Variants in CNBD2 observed in about 807,000 individuals in gnomAD.
The protein encoded by CNBD2 is cyclic nucleotide-binding domain-containing protein 2.
A neutral mutation model predicts 63.7 loss-of-function variants in CNBD2; 64 were observed. The ratio of observed to expected loss-of-function variants is 1.00; its 90% CI spans 0.82 to 1.24. The LOEUF is 1.24. CNBD2 is among the 50% of genes most tolerant of loss of function. The pLI is 0.00. For synonymous variants in CNBD2, 229 were observed against 255.4 expected, an observed-to-expected ratio of 0.90 and a Z score of 0.99; for missense variants, 691 against 713.5, an observed-to-expected ratio of 0.97 and a Z score of 0.36.
chr20:35,967,115 C>T (rs533537081), upstream of CNBD2, among the ~76,000 whole-genome samples: 3 of 152,282 alleles, frequency 2.0e-5, no homozygotes, highest in South Asian at 6.2e-4. Flanking sequence ...CACTTTACAA[C>T]CTAGTTCTGC....
chr20:35,969,526 CAT>C lies in CNBD2; in HGVS notation c.51+714_51+715del, dbSNP rs199698659. On this transcript the variant is annotated intron_variant, in intron 1 of 11. Coordinates refer to ENST00000373973, the MANE Select transcript of CNBD2 (RefSeq NM_001365709.1). Reference sequence around the variant, plus strand: ...CTGTTTATATTTTTATATATTATCACATGTGTATGTATCCATAAACAATATAT... The same window carrying C: ...CTGTTTATATTTTTATATATTATCACGTGTATGTATCCATAAACAATATAT... Among the ~76,000 whole-genome samples, 897 of 152,234 alleles carry C rather than the reference CAT, an allele frequency of 5.9e-3. 12 individuals are homozygous for C. The highest frequency in any genetic ancestry group is 0.02 in the African/African-American group (846 of 41,524).
chr20:35,995,501 A>G (rs2056813383), intron 8 of CNBD2, among the ~76,000 whole-genome samples: 1 of 152,112 alleles, frequency 6.6e-6, no homozygotes. Flanking sequence ...GACTTTTCAT[A>G]TAAATAGCAT....
intron 10 of CNBD2, among the ~76,000 whole-genome samples, chr20:36,012,231 C>T (rs184830823): frequency 1.1e-3 from 171 of 151,702 alleles, no homozygotes; most frequent in Non-Finnish European, 2.0e-3. Context: ...ACCTGGGAGG[C>T]GGAGGTTGCA....
chr20:35,983,820 G>C (rs1169039615), intron 4 of CNBD2, among the ~76,000 whole-genome samples, 162 bp from the exon 5 acceptor site: 3 of 152,194 alleles, frequency 2.0e-5, no homozygotes, highest in African/African-American at 4.8e-5. Context: ...TTAGTGAAAG[G>C]CTCCAGCTTG....
intron 8 of CNBD2, among the ~76,000 whole-genome samples, chr20:35,995,940 G>T (rs546696016): frequency 6.6e-6 from 1 of 152,286 alleles, no homozygotes; most frequent in African/African-American, 2.4e-5. Context: ...GCTGCATCTG[G>T]TGAAGGACTT....
At chr20:36,016,561 A>C (rs1410130690) in intron 10 of CNBD2, among the ~76,000 whole-genome samples, 1 of 152,100 alleles carries the variant, frequency 6.6e-6, no homozygotes, top group Non-Finnish European at 1.5e-5. Flanking sequence ...AGGCTGAGGC[A>C]GGTGGATCAC....
At chr20:36,025,058 A>G (rs190572799) in intron 11 of CNBD2, among the ~76,000 whole-genome samples, 35 of 152,346 alleles carry the variant, frequency 2.3e-4, no homozygotes, top group Middle Eastern at 3.4e-3. Context: ...AAATTGTGGT[A>G]TATTCTCTTG....
intron 7 of CNBD2, among the ~76,000 whole-genome samples, chr20:35,990,005 C>T (rs1256713991): frequency 6.6e-6 from 1 of 152,056 alleles, no homozygotes; most frequent in African/African-American, 2.4e-5. Flanking sequence ...GAAAACTCAT[C>T]ATTTCCTACT....
chr20:35,994,464 T>G (rs543624471), intron 7 of CNBD2, among the ~76,000 whole-genome samples: 3 of 151,210 alleles, frequency 2.0e-5, no homozygotes, highest in Non-Finnish European at 4.4e-5. Context: ...CACATCAGCC[T>G]CCCAAAGTGC....
chr20:36,005,153 A>AT (rs2056967109), intron 8 of CNBD2, among the ~76,000 whole-genome samples: 1 of 152,204 alleles, frequency 6.6e-6, no homozygotes, highest in Admixed American at 6.5e-5. Context: ...AATTCTGAGA[A>AT]TTACTGGATC....
chr20:36,020,950 C>T (rs1262499431), intron 10 of CNBD2, among the ~76,000 whole-genome samples: 2 of 152,150 alleles, frequency 1.3e-5, no homozygotes, highest in African/African-American at 2.4e-5. Context: ...AAAATTTGTA[C>T]GTGGTCATAT....
chr20:35,987,416 A>G lies in CNBD2; in HGVS notation c.738A>G (p.Ser246=), dbSNP rs1240411321. 1 of 1,614,218 alleles carries G rather than the reference A, an allele frequency of 6.2e-7. No individual in the cohort carries two copies. The highest frequency in any genetic ancestry group is 1.7e-5 in the Admixed American group (1 of 60,028). ...EFFRKMELFA[S]WSDEKLWQLV... is the part of the protein sequence containing the mutation. ...ACAGGAAGATGGAGCTGTTTGCATC[A>G]TGGTCTGATGAGAAGCTCTGGCAGC... Residue 246 remains serine (S), a synonymous_variant, in exon 7 of 12, where the codon TCA becomes TCG. Coordinates refer to ENST00000373973, the MANE Select transcript of CNBD2 (RefSeq NM_001365709.1).
At chr20:35,961,882 C>T (rs1317738919) in intron 2 of CNBD2, among the ~76,000 whole-genome samples, 4 of 152,150 alleles carry the variant, frequency 2.6e-5, no homozygotes, top group African/African-American at 9.7e-5. Context: ...GTGTGTTTCC[C>T]TGGTCACCCC....
intron 8 of CNBD2, among the ~76,000 whole-genome samples, chr20:35,997,532 T>C (rs987311195): frequency 2.0e-5 from 3 of 152,202 alleles, no homozygotes; most frequent in African/African-American, 7.2e-5. Flanking sequence ...TCTGTTTGAA[T>C]ACAGGGTCCT....
At chr20:36,029,513 C>T (rs915569799) in intron 11 of CNBD2, among the ~76,000 whole-genome samples, 1 of 152,132 alleles carries the variant, frequency 6.6e-6, no homozygotes, top group African/African-American at 2.4e-5. Flanking sequence ...CCCACCATGG[C>T]CAGTTTCAAA....
chr20:35,970,015 G>A (rs2056390518), intron 1 of CNBD2, among the ~76,000 whole-genome samples: 1 of 152,290 alleles, frequency 6.6e-6, no homozygotes, highest in South Asian at 2.1e-4. Context: ...TTTGGCTGGG[G>A]CATGAAGGCT....
At chr20:36,008,529 T>A in intron 9 of CNBD2, 55 bp downstream of exon 9, 1 of 1,510,698 alleles carries the variant, frequency 6.6e-7, no homozygotes, top group South Asian at 1.2e-5. Flanking sequence ...CAAAGGGAGA[T>A]AATACTTATA....
rs369311733 is a variant in CNBD2, at chr20:36,008,308, A to C, written c.982A>C (p.Met328Leu). ...LKTHLSEYSP[M>L]ERFKEFQIKS... ...GCTTTCTCTAACAGAATACTCTCCT[A>C]TGGAAAGATTTAAGGAATTCCAGAT... The change falls in exon 9 of 12, where the codon ATG becomes CTG. Residue 328 changes from methionine (M) to leucine (L), a missense_variant. By Grantham distance (15) the Met-to-Leu change is conservative (BLOSUM62 2). Coordinates refer to ENST00000373973, the MANE Select transcript of CNBD2 (RefSeq NM_001365709.1). 2.3e-4 allele frequency: 367 copies of C among 1,610,544 alleles called. No homozygotes were observed. The highest frequency in any genetic ancestry group is 2.9e-4 in the Non-Finnish European group (341 of 1,178,814).
rs570577961 is a variant in CNBD2 at position 36,008,338 on chromosome 20, T to A, written c.1012T>A (p.Ser338Thr). Residue 338 changes from serine (S) to threonine (T), a missense_variant, in exon 9 of 12, where the codon TCA becomes ACA. By Grantham distance (58) the Ser-to-Thr change is moderately conservative. Coordinates refer to ENST00000373973, the MANE Select transcript of CNBD2 (RefSeq NM_001365709.1). The part of the protein sequence containing the change: ...MERFKEFQIK[S>T]YPLQDFSSLK... The stretch of plus-strand genomic sequence containing the variant: ...AAGATTTAAGGAATTCCAGATCAAA[T>A]CATATCCTCTGCAAGACTTTAGCTC... 1 of 1,613,634 alleles carries A rather than the reference T, an allele frequency of 6.2e-7. No individual in the cohort carries two copies. Among genetic ancestry groups the A allele is most frequent in the Non-Finnish European group, 8.5e-7 (1 of 1,179,932 alleles).
Sources: allele counts gnomAD v4.1 joint callset (sites outside exome capture counted in the v4.1 genomes callset), GRCh38; gene constraint gnomAD v4.1.1; transcripts MANE v1.5; gene names NCBI Gene and HGNC (gene_info 2026-07-23, HGNC 2026-07-21).